The following C2orf92 variants were observed in gnomAD, a reference collection of about 807,000 sequenced individuals.
C2orf92 encodes the protein uncharacterized protein C2orf92.
intron 3 of C2orf92, among the ~76,000 whole-genome samples, chr2:97,684,369 A>G (rs1675883630): frequency 6.6e-6 from 1 of 152,214 alleles, no homozygotes; most frequent in South Asian, 2.1e-4. Context: ...GTCAAAGCCA[A>G]CAGAGTGGAA....
chr2:97,677,390 G>A (rs1675618339), intron 3 of C2orf92: 1 of 152,142 alleles, frequency 6.6e-6, no homozygotes, highest in South Asian at 2.1e-4. Flanking sequence ...AGGAAATAAT[G>A]TTTTTTGTTT....
chr2:97,675,990 G>C (rs1365642915), intron 3 of C2orf92, 62 bp downstream of exon 3: 3 of 398,826 alleles, frequency 7.5e-6, no homozygotes, highest in African/African-American at 4.1e-5. Context: ...GCTTGTCCCT[G>C]GTTGTCTCTC....
upstream of C2orf92, chr2:97,666,842 CAA>C (rs56257918): frequency 8.8e-4 from 60 of 67,996 alleles, no homozygotes; most frequent in East Asian, 1.4e-3. Flanking sequence ...GACTCTGTCT[CAA>C]AAAAAAAAAA....
intron 3 of C2orf92, among the ~76,000 whole-genome samples, chr2:97,684,399 A>G (rs537056577): frequency 3.4e-4 from 52 of 152,186 alleles, no homozygotes; most frequent in Non-Finnish European, 6.9e-4. Context: ...TCTTCGACAA[A>G]TGGTCCTGGG....
intron 2 of C2orf92, 85 bp downstream of exon 2, chr2:97,674,642 C>T (rs888240406): frequency 2.5e-6 from 1 of 397,000 alleles, no homozygotes; most frequent in Non-Finnish European, 4.4e-6. Flanking sequence ...AGCATTTTAG[C>T]ATTCCTTAAA....
upstream of C2orf92, chr2:97,668,761 C>T (rs1675313528): frequency 6.6e-6 from 1 of 152,298 alleles, no homozygotes; most frequent in African/African-American, 2.4e-5. Flanking sequence ...GCAAGTGATT[C>T]TCCTGCCTCA....
intron 5 of C2orf92, among the ~76,000 whole-genome samples, chr2:97,692,682 T>A (rs890451714): frequency 1.3e-5 from 2 of 152,206 alleles, no homozygotes; most frequent in Non-Finnish European, 1.5e-5. Flanking sequence ...AGTGCTGGGA[T>A]TACAGGCATG....
chr2:97,691,158 T>G (rs1334393092), intron 5 of C2orf92: 1 of 152,302 alleles, frequency 6.6e-6, no homozygotes, highest in Non-Finnish European at 1.5e-5. Flanking sequence ...ATGGTAAGGT[T>G]TAGGATACCC....
At chr2:97,692,105 T>C (rs1676159831) in intron 5 of C2orf92, among the ~76,000 whole-genome samples, 1 of 152,242 alleles carries the variant, frequency 6.6e-6, no homozygotes, top group Non-Finnish European at 1.5e-5. Flanking sequence ...CAATATTCAC[T>C]GTGGGAAAAC....
At chr2:97,667,413 C>T (rs547041109), upstream of C2orf92, among the ~76,000 whole-genome samples, 2 of 151,052 alleles carry the variant, frequency 1.3e-5, no homozygotes, top group Non-Finnish European at 2.9e-5. Flanking sequence ...CAGGTTCCCG[C>T]CACCATGCCC....
chr2:97,665,723 CTCTCTCTCTCTCTCTATATATATA>C (rs1364097261), upstream of C2orf92: 175 of 61,810 alleles, frequency 2.8e-3, no homozygotes, highest in African/African-American at 9.8e-3. Flanking sequence ...CTCTCTCTCT[CTCTCTCTCTCTCTCTATATATATA>C]TATATATATA....
chr2:97,668,629 T>C (rs1675309221), upstream of C2orf92: 1 of 152,326 alleles, frequency 6.6e-6, no homozygotes, highest in African/African-American at 2.4e-5. Flanking sequence ...GGTTGAACTG[T>C]GCGGGTCCAC....
intron 5 of C2orf92, among the ~76,000 whole-genome samples, chr2:97,691,471 C>G (rs1676134597): frequency 6.6e-6 from 1 of 152,184 alleles, no homozygotes; most frequent in Admixed American, 6.5e-5. Context: ...CTCATCTGAG[C>G]TATCTGATCA....
At chr2:97,664,308 TCAC>T (rs1199252724) in exon 1 of C2orf92, 1 of 152,502 alleles carries the variant, frequency 6.6e-6, no homozygotes, top group Non-Finnish European at 1.5e-5. Flanking sequence ...AGCTGGAAAT[TCAC>T]CGGTCCAGGA....
At position 97,686,422 on chromosome 2, in the gene C2orf92, T is replaced by C. The variant is rs114161834; in HGVS notation, c.233-2473T>C. On this transcript the variant is annotated intron_variant, in intron 3 of 7. Coordinates refer to ENST00000627399, the MANE Select transcript of C2orf92 (RefSeq NM_001351368.2). ...TAGAGTTTCTGTTTCAGTCGATTTTTTTTTTTCTTTTTTCTGAGATGGAGT... is the reference window on the plus strand; with the variant it reads ...TAGAGTTTCTGTTTCAGTCGATTTTCTTTTTTCTTTTTTCTGAGATGGAGT... Among the ~76,000 whole-genome samples the C allele has an allele frequency of 1.9e-3, 292 of 152,194 alleles. 1 individual carries two copies. The highest frequency in any genetic ancestry group is 6.7e-3 in the African/African-American group (278 of 41,536).
At chr2:97,696,440 A>G (rs1373624778) in intron 5 of C2orf92, among the ~76,000 whole-genome samples, 2 of 152,182 alleles carry the variant, frequency 1.3e-5, no homozygotes, top group Non-Finnish European at 2.9e-5. Flanking sequence ...ACCATTCAAA[A>G]AAAAAAGAAA....
intron 6 of C2orf92, among the ~76,000 whole-genome samples, chr2:97,700,120 C>T (rs1559308077): frequency 6.6e-6 from 1 of 152,176 alleles, no homozygotes; most frequent in African/African-American, 2.4e-5. Context: ...CTCTAGGAGA[C>T]ACTAATGTCG....
At chr2:97,700,815 C>T (rs1223656428) in intron 6 of C2orf92, among the ~76,000 whole-genome samples, 3 of 152,070 alleles carry the variant, frequency 2.0e-5, no homozygotes, top group Admixed American at 1.3e-4. Flanking sequence ...CGGCAACCTC[C>T]GCCTCCCGGG....
chr2:97,697,978 A>G (rs1039395516), intron 5 of C2orf92: 1 of 151,420 alleles, frequency 6.6e-6, no homozygotes, highest in African/African-American at 2.4e-5. Flanking sequence ...ACAGTTCTCT[A>G]TCTCTCTGTG....
Sources: allele counts gnomAD v4.1 joint callset (sites outside exome capture counted in the v4.1 genomes callset), GRCh38; gene constraint gnomAD v4.1.1; transcripts MANE v1.5; gene names NCBI Gene and HGNC (gene_info 2026-07-23, HGNC 2026-07-21).